Variants in TMC1 observed in about 807,000 individuals in gnomAD.
TMC1 encodes the protein transmembrane channel like 1, also known as transmembrane channel-like protein 1.
TMC1 carries 84 observed loss-of-function variants against 105.8 expected under a neutral mutation model. That is an observed-to-expected ratio of 0.79 (90% CI 0.67 to 0.95). The LOEUF is 0.95. Among genes scored for constraint, TMC1 ranks in the 40% least tolerant of loss-of-function variants. TMC1 has a pLI of 0.00. For missense variants in TMC1, 817 were observed against 914.1 expected (o/e 0.89, Z 1.37); for synonymous variants, 315 against 311.5 (o/e 1.01, Z -0.12).
At chr9:72,698,245 T>C (rs1826585320) in intron 7 of TMC1, among the ~76,000 whole-genome samples, 1 of 152,178 alleles carries the variant, frequency 6.6e-6, no homozygotes, top group African/African-American at 2.4e-5. Flanking sequence ...AGCAAAATGT[T>C]TGAATTGTCC....
intron 1 of TMC1, among the ~76,000 whole-genome samples, chr9:72,539,428 A>G (rs1176919544): frequency 6.6e-6 from 1 of 151,930 alleles, no homozygotes; most frequent in Non-Finnish European, 1.5e-5. Flanking sequence ...AAACAAAACA[A>G]AATTTCCGCC....
rs150738413 is a variant in TMC1, at chr9:72,830,652, C to A, written c.2230C>A (p.Arg744=). The part of the protein sequence containing the change: ...MKMQALENKM[R]NKKMAAARAA... The stretch of plus-strand genomic sequence containing the variant: ...GTAGCAAGCTTTGGAGAACAAAATG[C>A]GAAACAAGAAAATGGCAGCTGCACG... Residue 744 remains arginine (R), a synonymous_variant, in exon 23 of 24, where the codon CGA becomes AGA. Coordinates refer to ENST00000297784, the MANE Select transcript of TMC1 (RefSeq NM_138691.3). 3 of 1,612,924 alleles carry A rather than the reference C, an allele frequency of 1.9e-6. No individual in the cohort carries two copies. The highest frequency in any genetic ancestry group is 1.1e-5 in the South Asian group (1 of 90,928).
chr9:72,683,986 G>A (rs1826336295), intron 5 of TMC1, among the ~76,000 whole-genome samples: 1 of 150,428 alleles, frequency 6.6e-6, no homozygotes, highest in Non-Finnish European at 1.5e-5. Flanking sequence ...TTGCTATAGT[G>A]GACTCAAATC....
At chr9:72,688,132 T>C (rs1826406043) in intron 5 of TMC1, among the ~76,000 whole-genome samples, 1 of 152,132 alleles carries the variant, frequency 6.6e-6, no homozygotes, top group Non-Finnish European at 1.5e-5. Context: ...CCTATCTCCA[T>C]GTTGCCAAAG....
At chr9:72,705,432 A>G (rs993874829) in intron 8 of TMC1, among the ~76,000 whole-genome samples, 6 of 152,116 alleles carry the variant, frequency 3.9e-5, no homozygotes, top group African/African-American at 9.7e-5. Context: ...ATTGTGGACC[A>G]TGGTCTTCAA....
intron 1 of TMC1, among the ~76,000 whole-genome samples, chr9:72,563,469 G>A (rs1442920977): frequency 2.6e-5 from 4 of 152,184 alleles, no homozygotes; most frequent in African/African-American, 7.2e-5. Context: ...ATGGATGCCA[G>A]AGGCATTTCT....
At chr9:72,830,705 T>C (rs1006806919) in intron 23 of TMC1, 23 bp downstream of exon 23, 2 of 1,587,348 alleles carry the variant, frequency 1.3e-6, no homozygotes, top group Non-Finnish European at 1.7e-6. Context: ...TTTATGTTTG[T>C]AATGTTTGTA....
chr9:72,660,530 A>T (rs906889205), intron 5 of TMC1, among the ~76,000 whole-genome samples: 17 of 152,074 alleles, frequency 1.1e-4, no homozygotes, highest in African/African-American at 2.9e-4. Context: ...ATGCACAAAA[A>T]TTTTTTCAGA....
intron 2 of TMC1, among the ~76,000 whole-genome samples, chr9:72,599,267 G>A (rs1342121949): frequency 6.6e-6 from 1 of 152,134 alleles, no homozygotes; most frequent in Non-Finnish European, 1.5e-5. Flanking sequence ...CTGGCCTCAG[G>A]TGATCTGCCC....
At chr9:72,609,462 C>T (rs1824986238) in intron 2 of TMC1, among the ~76,000 whole-genome samples, 1 of 152,096 alleles carries the variant, frequency 6.6e-6, no homozygotes, top group Non-Finnish European at 1.5e-5. Flanking sequence ...ATCACTTGAA[C>T]CCAGGAGGCA....
At chr9:72,660,708 G>A (rs1458727935) in intron 5 of TMC1, among the ~76,000 whole-genome samples, 10 of 152,120 alleles carry the variant, frequency 6.6e-5, no homozygotes, top group Admixed American at 1.3e-4. Flanking sequence ...CTCCTGAACT[G>A]TGCGGGAGAT....
At chr9:72,825,241 C>T (rs570013784) in intron 20 of TMC1, among the ~76,000 whole-genome samples, 114 of 152,266 alleles carry the variant, frequency 7.5e-4, no homozygotes, top group South Asian at 2.3e-3. Context: ...TCCTGTGGCA[C>T]TTATCACCCA....
intron 2 of TMC1, among the ~76,000 whole-genome samples, chr9:72,597,233 T>G (rs903270053): frequency 5.3e-5 from 8 of 152,210 alleles, no homozygotes; most frequent in Non-Finnish European, 1.0e-4. Context: ...CTAAGATTTC[T>G]TCACTCACAG....
chr9:72,642,176 T>A (rs1825640427), intron 4 of TMC1, among the ~76,000 whole-genome samples: 1 of 152,112 alleles, frequency 6.6e-6, no homozygotes, highest in Non-Finnish European at 1.5e-5. Context: ...ACACCCAGAA[T>A]TTGGCTGGTT....
chr9:72,715,498 T>C (rs960259801), intron 8 of TMC1, among the ~76,000 whole-genome samples: 8 of 152,092 alleles, frequency 5.3e-5, no homozygotes, highest in Non-Finnish European at 7.4e-5. Context: ...CTTCTTGCTT[T>C]ATATCATTGA....
rs572316192 is a variant in TMC1, at chr9:72,789,841, G to T, written c.1224+524G>T. 2.0e-5 allele frequency among the ~76,000 whole-genome samples: 3 copies of T among 152,292 alleles called. No individual in the cohort carries two copies. In the South Asian group the frequency reaches 6.2e-4, roughly 32 times the overall value. ...CTTCTCCACCTTTGGGCATGTCTGG[G>T]CTTCCCTCTGTTTTCATTAGAAGCC... On this transcript the variant is annotated intron_variant, in intron 15 of 23. Coordinates refer to ENST00000297784, the MANE Select transcript of TMC1 (RefSeq NM_138691.3).
At chr9:72,629,557 G>T (rs1353765497) in intron 4 of TMC1, among the ~76,000 whole-genome samples, 1 of 152,086 alleles carries the variant, frequency 6.6e-6, no homozygotes, top group Non-Finnish European at 1.5e-5. Context: ...TACTACTGGG[G>T]CCTGACAAAG....
At chr9:72,626,155 C>T (rs952015786) in intron 3 of TMC1, among the ~76,000 whole-genome samples, 1 of 152,172 alleles carries the variant, frequency 6.6e-6, no homozygotes, top group Admixed American at 6.5e-5. Flanking sequence ...ATTTCAGCCC[C>T]AGTCACTGTC....
chr9:72,624,435 T>C (rs1825310518), intron 3 of TMC1, among the ~76,000 whole-genome samples: 1 of 152,194 alleles, frequency 6.6e-6, no homozygotes, highest in African/African-American at 2.4e-5. Flanking sequence ...CTTCAAATCT[T>C]TTTTTCTTGT....
Sources: gnomAD v4.1 joint callset for allele counts (sites outside exome capture counted in the v4.1 genomes callset) on GRCh38, gnomAD v4.1.1 for gene constraint, MANE v1.5 for transcripts, NCBI Gene and HGNC (gene_info 2026-07-23, HGNC 2026-07-21) for gene names.